TEAD1: variants seen among roughly 807,000 people sequenced by gnomAD.
TEAD1 encodes transcriptional enhancer factor TEF-1.
TEAD1 carries 9 observed loss-of-function variants against 54.9 expected under a neutral mutation model. The ratio of observed to expected loss-of-function variants is 0.16; its 90% CI spans 0.10 to 0.29. The LOEUF (loss-of-function observed/expected upper bound fraction) is 0.29. TEAD1 is among the 10% of genes least tolerant of loss of function. The pLI is 1.00. For synonymous variants in TEAD1, 200 were observed against 187.8 expected (o/e 1.07, Z -0.53); for missense variants, 387 against 535.9 (o/e 0.72, Z 2.74).
intron 2 of TEAD1, among the ~76,000 whole-genome samples, chr11:12,704,760 A>C (rs1390470172): frequency 6.6e-6 from 1 of 152,210 alleles, no homozygotes; most frequent in Non-Finnish European, 1.5e-5. Flanking sequence ...TGCACAAGTC[A>C]AAGGATTGGG....
At position 12,697,712 on chromosome 11, in the gene TEAD1, G is replaced by T. The variant is rs372550658; in HGVS notation, c.-55+22151G>T. Among the ~76,000 whole-genome samples the T allele has an allele frequency of 2.3e-3, 351 of 152,308 alleles. 12 individuals carry two copies. In the South Asian group the frequency reaches 0.068, roughly 30 times the overall value. ...ATTGAGAGGGGTACAGTGAAAGAAGGGGGGTATGTAGAAAGTTCTCAGAAT... is the reference window on the plus strand; with the variant it reads ...ATTGAGAGGGGTACAGTGAAAGAAGTGGGGTATGTAGAAAGTTCTCAGAAT... On this transcript the variant is annotated intron_variant, in intron 2 of 12. Transcript: ENST00000527636.
intron 2 of TEAD1, among the ~76,000 whole-genome samples, chr11:12,726,405 T>A (rs543803343): frequency 6.0e-4 from 92 of 152,302 alleles, no homozygotes; most frequent in Non-Finnish European, 2.9e-4. Flanking sequence ...CTTAAATGCA[T>A]GTAAGAAGTG....
rs1946962805 is a variant in TEAD1 at position 12,838,782 on chromosome 11, C to G, written c.203-23468C>G. On this transcript the variant is annotated intron_variant, in intron 3 of 12. Transcript: ENST00000527636. The stretch of plus-strand genomic sequence containing the variant: ...TCTAGAGCCAAACATTTCTGATTCT[C>G]TAATATTAAAGTCTCTAAGAGAGTT... Among the ~76,000 whole-genome samples, 7 of 152,262 alleles carry G rather than the reference C, an allele frequency of 4.6e-5. 1 individual carries two copies. In the South Asian group the frequency reaches 1.5e-3, roughly 32 times the overall value.
intron 5 of TEAD1, among the ~76,000 whole-genome samples, chr11:12,874,281 A>T (rs1300144237): frequency 1.3e-5 from 2 of 152,230 alleles, no homozygotes; most frequent in Admixed American, 1.3e-4. Context: ...TCAAAAGCTG[A>T]GAAGCAGAAG....
intron 3 of TEAD1, among the ~76,000 whole-genome samples, chr11:12,814,716 G>T (rs1037261202): frequency 1.3e-5 from 2 of 151,980 alleles, no homozygotes; most frequent in Non-Finnish European, 2.9e-5. Flanking sequence ...TTGTCACACC[G>T]TAAGCAAGAC....
At chr11:12,701,194 G>A (rs753260213) in intron 2 of TEAD1, among the ~76,000 whole-genome samples, 3 of 152,134 alleles carry the variant, frequency 2.0e-5, no homozygotes, top group Non-Finnish European at 2.9e-5. Flanking sequence ...ATTTCTTAGA[G>A]AACACTGGGA....
intron 2 of TEAD1, among the ~76,000 whole-genome samples, chr11:12,699,926 T>C (rs1169792673): frequency 6.6e-6 from 1 of 152,190 alleles, no homozygotes. Context: ...GACCTGGGAA[T>C]GTTTTGGTCT....
At chr11:12,790,306 C>T (rs533169360) in intron 3 of TEAD1, among the ~76,000 whole-genome samples, 1 of 152,352 alleles carries the variant, frequency 6.6e-6, no homozygotes, top group South Asian at 2.1e-4. Flanking sequence ...TGGGCTTTGC[C>T]ACTCTGCTTA....
At chr11:12,803,858 A>C (rs1202260713) in intron 3 of TEAD1, among the ~76,000 whole-genome samples, 1 of 152,202 alleles carries the variant, frequency 6.6e-6, no homozygotes, top group Admixed American at 6.5e-5. Context: ...GTGGAATTCT[A>C]ATCTAGACCT....
rs1946072888 is a variant in TEAD1, at chr11:12,802,184, T to C, written c.202+37750T>C. Among the ~76,000 whole-genome samples the C allele has an allele frequency of 2.0e-5, 3 of 152,176 alleles. No homozygotes were observed. In the South Asian group the frequency reaches 6.2e-4, roughly 31 times the overall value. On this transcript the variant is annotated intron_variant, in intron 3 of 12. Coordinates refer to ENST00000527636, the MANE Select transcript of TEAD1 (RefSeq NM_021961.6). Reference sequence around the variant, plus strand: ...TCAGCCTCAGGGCACCTACTTAGCCTCTAAGATGAGACCACATCTGAACCA... The same window carrying C: ...TCAGCCTCAGGGCACCTACTTAGCCCCTAAGATGAGACCACATCTGAACCA...
At position 12,864,563 on chromosome 11, in the gene TEAD1, C is replaced by G. The variant is rs1414132104; in HGVS notation, c.268-275C>G. On this transcript the variant is annotated intron_variant, in intron 4 of 12. Transcript: ENST00000527636. ...TTGTTGAGATGCAAATAACCACCCC[C>G]CAACCCCACCCCAAAACCCTCCCAA... is the stretch of plus-strand genomic sequence containing the variant. 1.1e-5 allele frequency: 8 copies of G among 759,202 alleles called. No individual in the cohort carries two copies. In the African/African-American group the frequency reaches 1.1e-4, roughly 10 times the overall value. 47.0% of individuals were successfully genotyped at this position (759,202 alleles called of 1,614,324 possible). A position where few individuals can be genotyped will look rare whatever the true frequency, so the allele number is the denominator to read the frequency against.
intron 5 of TEAD1, among the ~76,000 whole-genome samples, chr11:12,877,234 T>C (rs745944401): frequency 2.6e-5 from 4 of 152,198 alleles, no homozygotes; most frequent in Middle Eastern, 3.2e-3. Context: ...CTAGGGCCCT[T>C]GGAGTGTCAC....
intron 2 of TEAD1, among the ~76,000 whole-genome samples, chr11:12,753,073 C>T (rs1006348654): frequency 1.3e-5 from 2 of 150,568 alleles, no homozygotes; most frequent in East Asian, 2.0e-4. Flanking sequence ...TCAACTCCTG[C>T]GCTGAAGCAA....
chr11:12,743,130 A>G lies in TEAD1; in HGVS notation c.-54-21049A>G, dbSNP rs540123172. ...GCATCCCTGATAGAAGATAGACAAA[A>G]ACATTTAGAAGAAATGAAACTCTGA... On this transcript the variant is annotated intron_variant, in intron 2 of 12. Transcript: ENST00000527636. 2.6e-5 allele frequency among the ~76,000 whole-genome samples: 4 copies of G among 152,364 alleles called. No homozygotes were observed. The South Asian group carries it at 8.3e-4, about 32-fold the overall frequency.
intron 2 of TEAD1, among the ~76,000 whole-genome samples, chr11:12,692,476 A>G (rs1441141302): frequency 6.6e-6 from 1 of 152,104 alleles, no homozygotes; most frequent in Non-Finnish European, 1.5e-5. Context: ...GAAATTTTGG[A>G]TACACATTTA....
At chr11:12,836,385 C>G (rs1175561951) in intron 3 of TEAD1, among the ~76,000 whole-genome samples, 3 of 147,782 alleles carry the variant, frequency 2.0e-5, no homozygotes, top group African/African-American at 7.5e-5. Flanking sequence ...GCACCACTGC[C>G]GTCTAGCCTG....
chr11:12,884,136 C>T (rs1001314953), intron 9 of TEAD1, among the ~76,000 whole-genome samples: 6 of 152,136 alleles, frequency 3.9e-5, no homozygotes, highest in South Asian at 2.1e-4. Context: ...CTCCCCCACC[C>T]CCATCTTGTA....
At chr11:12,797,064 G>T (rs1335922434) in intron 3 of TEAD1, among the ~76,000 whole-genome samples, 1 of 149,374 alleles carries the variant, frequency 6.7e-6, no homozygotes, top group East Asian at 2.0e-4. Flanking sequence ...AGTGAGCCAA[G>T]ATTGCGCCAC....
chr11:12,704,779 A>G (rs970120767), intron 2 of TEAD1, among the ~76,000 whole-genome samples: 8 of 152,232 alleles, frequency 5.3e-5, no homozygotes, highest in African/African-American at 1.9e-4. Context: ...GGATGGGATG[A>G]TAATAGCTAA....
Sources: gnomAD v4.1 joint callset for allele counts (sites outside exome capture counted in the v4.1 genomes callset) on GRCh38, gnomAD v4.1.1 for gene constraint, MANE v1.5 for transcripts, NCBI Gene and HGNC (gene_info 2026-07-23, HGNC 2026-07-21) for gene names.